The following MAN1A1 variants were observed in gnomAD, a reference collection of about 807,000 sequenced individuals.
The protein encoded by MAN1A1 is mannosidase alpha class 1A member 1, also known as mannosyl-oligosaccharide 1,2-alpha-mannosidase IA.
In MAN1A1, 29 loss-of-function variants were observed where a neutral mutation model predicts 70.8. The ratio of observed to expected loss-of-function variants is 0.41; its 90% CI spans 0.31 to 0.56. The LOEUF (loss-of-function observed/expected upper bound fraction) is 0.56. Ranked by LOEUF, MAN1A1 falls within the 20% of genes least tolerant of loss-of-function variation. The pLI is 0.29. For missense variants in MAN1A1, 747 were observed against 841.3 expected (o/e 0.89, Z 1.39); for synonymous variants, 349 against 330.1 (o/e 1.06, Z -0.62).
In MAN1A1 at chr6:119,331,855, C is replaced by T. The variant is rs1323298744; in HGVS notation, c.603+16608G>A. On this transcript the variant is annotated intron_variant, in intron 2 of 12. Transcript: ENST00000368468. The stretch of plus-strand genomic sequence containing the variant: ...TTATTCAAGGTGGGTAAGATCTGAG[C>T]CTGCCAAGGCCCCAGGGGATATGGG... 8.6e-6 allele frequency: 3 copies of T among 349,676 alleles called. No individual in the cohort carries two copies. In the East Asian group the frequency reaches 2.7e-4, roughly 31 times the overall value. 21.7% of individuals were successfully genotyped at this position (349,676 alleles called of 1,614,324 possible).
chr6:119,311,249 G>A (rs1772691839), intron 2 of MAN1A1, among the ~76,000 whole-genome samples: 1 of 152,182 alleles, frequency 6.6e-6, no homozygotes, highest in Admixed American at 6.5e-5. Context: ...TGTGATCTTT[G>A]CAATCTAAAA....
chr6:119,341,695 T>C (rs1237578232), intron 2 of MAN1A1, among the ~76,000 whole-genome samples: 1 of 152,256 alleles, frequency 6.6e-6, no homozygotes, highest in Non-Finnish European at 1.5e-5. Flanking sequence ...ATCATAATTA[T>C]ATAATTTTTG....
At chr6:119,335,719 T>A (rs375627366) in intron 2 of MAN1A1, among the ~76,000 whole-genome samples, 2 of 152,128 alleles carry the variant, frequency 1.3e-5, no homozygotes, top group Non-Finnish European at 2.9e-5. Context: ...GACATGGATT[T>A]TGAGCAAGTG....
chr6:119,242,888 T>C (rs941073862), intron 6 of MAN1A1, among the ~76,000 whole-genome samples: 7 of 152,038 alleles, frequency 4.6e-5, no homozygotes, highest in South Asian at 4.1e-4. Flanking sequence ...GTATTGTTGA[T>C]TACTAGTTCC....
Position 119,298,685 on chromosome 6 carries a change from C to T in MAN1A1, c.816+3303G>A, listed in dbSNP as rs567779748. ...AATCTCAGCTCACTGCAACCCCTGCCTCCCAGGTTCAAGCTATTCTCCTGC... is the reference window on the plus strand; with the variant it reads ...AATCTCAGCTCACTGCAACCCCTGCTTCCCAGGTTCAAGCTATTCTCCTGC... On this transcript the variant is annotated intron_variant, in intron 4 of 12. Transcript: ENST00000368468. 1.5e-4 allele frequency among the ~76,000 whole-genome samples: 23 copies of T among 151,934 alleles called. No individual in the cohort carries two copies. The South Asian group carries it at 4.8e-3, about 32-fold the overall frequency.
intron 8 of MAN1A1, among the ~76,000 whole-genome samples, chr6:119,196,921 TC>T (rs1773584698): frequency 6.6e-6 from 1 of 152,190 alleles, no homozygotes; most frequent in African/African-American, 2.4e-5. Flanking sequence ...CAAGATCAGT[TC>T]ATATTATCAG....
intron 4 of MAN1A1, among the ~76,000 whole-genome samples, chr6:119,292,327 T>C (rs890788551): frequency 6.6e-6 from 1 of 152,132 alleles, no homozygotes; most frequent in Non-Finnish European, 1.5e-5. Flanking sequence ...CTAATAATCA[T>C]GGGACTCACA....
At chr6:119,196,036 T>C (rs948395039) in intron 8 of MAN1A1, among the ~76,000 whole-genome samples, 1 of 152,062 alleles carries the variant, frequency 6.6e-6, no homozygotes, top group Admixed American at 6.5e-5. Context: ...TGGTTTGGCA[T>C]TGTCAAAACA....
At chr6:119,211,007 T>C in intron 6 of MAN1A1, 1 of 411,458 alleles carries the variant, frequency 2.4e-6, no homozygotes, top group South Asian at 1.8e-5. Context: ...TATCAAGATA[T>C]TTTTCTAATA....
intron 9 of MAN1A1, among the ~76,000 whole-genome samples, chr6:119,192,186 G>T (rs1480085397): frequency 6.6e-6 from 1 of 152,024 alleles, no homozygotes; most frequent in Admixed American, 6.6e-5. Context: ...ATCTTAGACG[G>T]CCAATTTAAG....
At chr6:119,279,838 C>A (rs562914365) in intron 5 of MAN1A1, among the ~76,000 whole-genome samples, 25 of 152,322 alleles carry the variant, frequency 1.6e-4, no homozygotes, top group Non-Finnish European at 1.3e-4. Context: ...ACCACCTTCT[C>A]TTCTTCAATC....
chr6:119,348,235 G>A (rs1465826074), intron 2 of MAN1A1, among the ~76,000 whole-genome samples: 1 of 152,194 alleles, frequency 6.6e-6, no homozygotes, highest in African/African-American at 2.4e-5. Flanking sequence ...CAGAGCAAGA[G>A]CATGCAAATT....
intron 2 of MAN1A1, among the ~76,000 whole-genome samples, chr6:119,314,220 C>A (rs886215483): frequency 6.3e-4 from 96 of 152,334 alleles, no homozygotes; most frequent in African/African-American, 2.2e-3. Flanking sequence ...CTCTTTGCCA[C>A]AAATTAGCAA....
chr6:119,245,858 T>C (rs1775155190), intron 6 of MAN1A1, among the ~76,000 whole-genome samples: 1 of 152,144 alleles, frequency 6.6e-6, no homozygotes, highest in Admixed American at 6.6e-5. Context: ...TGAAATTAAA[T>C]AAATTCTAAT....
intron 8 of MAN1A1, among the ~76,000 whole-genome samples, chr6:119,198,662 T>C (rs1454378110): frequency 6.6e-6 from 1 of 152,146 alleles, no homozygotes; most frequent in Admixed American, 6.5e-5. Flanking sequence ...AACAAAAAAT[T>C]AGTGAGAAGA....
At chr6:119,217,842 A>G (rs1456901328) in intron 6 of MAN1A1, among the ~76,000 whole-genome samples, 1 of 152,204 alleles carries the variant, frequency 6.6e-6, no homozygotes, top group Non-Finnish European at 1.5e-5. Context: ...ATGGATATCT[A>G]GAAAGGGAGT....
In MAN1A1 at chr6:119,301,842, A is replaced by G. The variant is rs1183822401; in HGVS notation, c.816+146T>C. On this transcript the variant is annotated intron_variant, in intron 4 of 12. Transcript: ENST00000368468. ...TGTGTAGTGAGGACAATTTAAGAAT[A>G]TAGTATAAGATAATAGTATTTGTAC... 5.6e-6 allele frequency: 3 copies of G among 536,400 alleles called. No homozygotes were observed. The African/African-American group carries it at 5.7e-5, about 10-fold the overall frequency. 33.2% of individuals were successfully genotyped at this position (536,400 alleles called of 1,614,324 possible). A position where few individuals can be genotyped will look rare whatever the true frequency, so the allele number is the denominator to read the frequency against.
At chr6:119,274,500 T>C (rs1776002188) in intron 5 of MAN1A1, among the ~76,000 whole-genome samples, 1 of 152,260 alleles carries the variant, frequency 6.6e-6, no homozygotes, top group Admixed American at 6.5e-5. Flanking sequence ...TAGTTTCATC[T>C]GAAATGACAA....
At chr6:119,298,333 T>G (rs1772278331) in intron 4 of MAN1A1, among the ~76,000 whole-genome samples, 3 of 152,220 alleles carry the variant, frequency 2.0e-5, no homozygotes, top group African/African-American at 7.2e-5. Context: ...ATTTGAACTT[T>G]GTGCTACCAA....
Sources: allele counts gnomAD v4.1 joint callset (sites outside exome capture counted in the v4.1 genomes callset), GRCh38; gene constraint gnomAD v4.1.1; transcripts MANE v1.5; gene names NCBI Gene and HGNC (gene_info 2026-07-23, HGNC 2026-07-21).